HS6ST2: variants seen among roughly 807,000 people sequenced by gnomAD.
The protein encoded by HS6ST2 is heparan-sulfate 6-O-sulfotransferase 2.
Under a neutral mutation model 33.0 loss-of-function variants are expected in HS6ST2, and 17 were observed. The observed-to-expected ratio is 0.52, with a 90% CI of 0.35 to 0.77. HS6ST2 has a LOEUF of 0.77. HS6ST2 is among the 30% of genes least tolerant of loss of function. The pLI, the probability that HS6ST2 is intolerant of heterozygous loss-of-function variation, is 0.01. For synonymous variants in HS6ST2, 248 were observed against 237.1 expected (o/e 1.05, Z -0.42); for missense variants, 519 against 551.7 (o/e 0.94, Z 0.59).
At chrX:132,926,280 G>T (rs2066709530) in intron 2 of HS6ST2, among the ~76,000 whole-genome samples, 1 of 112,537 alleles carries the variant, frequency 8.9e-6, no homozygotes, top group African/African-American at 3.2e-5. Flanking sequence ...AGGTACAGTT[G>T]TTCTCCACTG....
At chrX:132,939,040 G>A (rs2066857843) in intron 2 of HS6ST2, among the ~76,000 whole-genome samples, 1 of 111,283 alleles carries the variant, frequency 9.0e-6, no homozygotes, top group Admixed American at 9.6e-5. Flanking sequence ...GCAAGAGAGG[G>A]AGCAAGAGAG....
intron 2 of HS6ST2, among the ~76,000 whole-genome samples, chrX:132,841,565 T>C (rs747656345): frequency 4.5e-5 from 5 of 111,620 alleles, no homozygotes; most frequent in African/African-American, 1.3e-4. Flanking sequence ...CCAATAGAAT[T>C]AAGAGCAAAC....
chrX:132,676,032 C>T (rs2063921743), intron 3 of HS6ST2, among the ~76,000 whole-genome samples: 1 of 111,476 alleles, frequency 9.0e-6, no homozygotes, highest in Non-Finnish European at 1.9e-5. Flanking sequence ...TTTTGAGGGA[C>T]CTGTGGCCAT....
intron 2 of HS6ST2, among the ~76,000 whole-genome samples, chrX:132,750,497 C>A (rs1464747597): frequency 1.8e-5 from 2 of 111,536 alleles, no homozygotes; most frequent in South Asian, 3.8e-4. Context: ...AATATGTGGG[C>A]TGTACAGTAG....
intron 4 of HS6ST2, chrX:132,667,852 A>G (rs940435890): frequency 8.9e-6 from 1 of 112,508 alleles, no homozygotes; most frequent in African/African-American, 3.2e-5. Flanking sequence ...TAATTTGAAA[A>G]CATTCAGCTG....
intron 4 of HS6ST2, among the ~76,000 whole-genome samples, chrX:132,649,726 C>T (rs921353391): frequency 3.1e-4 from 34 of 110,844 alleles, no homozygotes; most frequent in African/African-American, 1.1e-3. Flanking sequence ...GGCGCAGTGG[C>T]GGCCACCTGT....
intron 3 of HS6ST2, among the ~76,000 whole-genome samples, chrX:132,693,127 T>C (rs1340666320): frequency 8.9e-6 from 1 of 112,174 alleles, no homozygotes; most frequent in Admixed American, 9.4e-5. Flanking sequence ...AAATGTCTCA[T>C]ATGACGAATA....
At position 132,627,855 on chromosome X, in the gene HS6ST2, A is replaced by G. The variant is rs2063489850; in HGVS notation, c.*368T>C. 1 of 127,965 alleles carries G rather than the reference A, an allele frequency of 7.8e-6. No homozygotes were observed. The highest frequency in any genetic ancestry group is 3.2e-5 in the African/African-American group (1 of 31,474). The allele number at this position is 127,965 out of a possible 1,213,427, so 10.5% of individuals were successfully genotyped here. A position where few individuals can be genotyped will look rare whatever the true frequency, so the allele number is the denominator to read the frequency against. On this transcript the variant is annotated 3_prime_UTR_variant, in exon 5 of 5. Transcript: ENST00000370833. ...ATTGGGTTTTAACAGTGTATCATGA[A>G]TAATTTAAAGTCCATTTCTTAGCCA...
At position 132,626,187 on chromosome X, in the gene HS6ST2, A is replaced by G. The variant is rs764186997; in HGVS notation, c.*2036T>C. On this transcript the variant is annotated 3_prime_UTR_variant, in exon 5 of 5. Coordinates refer to ENST00000370833, the MANE Select transcript of HS6ST2 (RefSeq NM_001394073.1). ...TCTATATACAATAATCAGTATAGAC[A>G]GAGAAAATGCACTTAATCTTTGCAA... 8 of 112,681 alleles carry G rather than the reference A, an allele frequency of 7.1e-5. No homozygotes were observed. The highest frequency in any genetic ancestry group is 1.9e-4 in the Admixed American group (2 of 10,603). The allele number at this position is 112,681 out of a possible 1,213,427, so 9.3% of individuals were successfully genotyped here. A position where few individuals can be genotyped will look rare whatever the true frequency, so the allele number is the denominator to read the frequency against.
chrX:132,783,041 T>C (rs1211234966), intron 2 of HS6ST2, among the ~76,000 whole-genome samples: 3 of 111,420 alleles, frequency 2.7e-5, no homozygotes, highest in Non-Finnish European at 5.7e-5. Flanking sequence ...TCATGAGAGG[T>C]GAAGTAAAAG....
intron 2 of HS6ST2, among the ~76,000 whole-genome samples, chrX:132,738,042 T>G (rs1180030476): frequency 8.9e-6 from 1 of 112,662 alleles, no homozygotes; most frequent in Admixed American, 9.3e-5. Flanking sequence ...TCTGACCTAG[T>G]CCTGACCTGA....
In HS6ST2 at chrX:132,956,828, G is replaced by T. The variant is rs778676247; in HGVS notation, c.927C>A (p.Asp309Glu). 9.4e-6 allele frequency: 11 copies of T among 1,174,138 alleles called. No individual in the cohort carries two copies. Among genetic ancestry groups the T allele is most frequent in the Non-Finnish European group, 1.3e-5 (11 of 877,022 alleles). ...CVPSVVDGKR[D>E]ARLRPSRWRI... is the part of the protein sequence containing the mutation. ...CTCACCTGGACGGTCTCAGCCTGGCGTCGCGCTTGCCGTCCACCACGGAGG... is the reference window on the plus strand; with the variant it reads ...CTCACCTGGACGGTCTCAGCCTGGCTTCGCGCTTGCCGTCCACCACGGAGG... The change falls in exon 2 of 5, where the codon GAC (aspartate) becomes GAA (glutamate). Residue 309 changes from aspartate to glutamate, a missense_variant. Physicochemically the swap from Asp to Glu is conservative, Grantham distance 45. Transcript: ENST00000370833.
chrX:132,660,996 G>A (rs2063767648), intron 4 of HS6ST2, among the ~76,000 whole-genome samples: 1 of 111,552 alleles, frequency 9.0e-6, no homozygotes, highest in South Asian at 3.8e-4. Context: ...AGAGGTAAGA[G>A]CCCCTTATAA....
chrX:132,705,435 A>G (rs1366307314), intron 3 of HS6ST2, among the ~76,000 whole-genome samples: 4 of 111,305 alleles, frequency 3.6e-5, no homozygotes, highest in Non-Finnish European at 7.5e-5. Context: ...AAATCTTATG[A>G]ACTTGTGTGC....
chrX:132,649,746 T>C (rs1477572862), intron 4 of HS6ST2, among the ~76,000 whole-genome samples: 1 of 110,285 alleles, frequency 9.1e-6, no homozygotes. Flanking sequence ...TAATCCCAGC[T>C]ACTTGGGAGG....
chrX:132,628,663 T>G lies in HS6ST2; in HGVS notation c.1498A>C (p.Asn500His). ...MNFISPFTQY[N>H]TTRASSVEIN... ...TCTACACTAGAGGCCCTAGTGGTAT[T>G]ATACTGGGTAAATGGCGAAATAAAG... Residue 500 changes from asparagine to histidine, a missense_variant, in exon 5 of 5, where the codon AAT (asparagine) becomes CAT (histidine). Asn to His is a moderately conservative substitution (Grantham distance 68, BLOSUM62 1). Coordinates refer to ENST00000370833, the MANE Select transcript of HS6ST2 (RefSeq NM_001394073.1). 1.7e-6 allele frequency: 2 copies of G among 1,211,333 alleles called. No individual in the cohort carries two copies. The highest frequency in any genetic ancestry group is 2.2e-6 in the Non-Finnish European group (2 of 895,028).
chrX:132,927,374 A>G (rs986594381), intron 2 of HS6ST2, among the ~76,000 whole-genome samples: 2 of 111,073 alleles, frequency 1.8e-5, no homozygotes. Context: ...AAAAACACAA[A>G]TCAAATTAAA....
At chrX:132,883,335 C>T (rs2066204799) in intron 2 of HS6ST2, among the ~76,000 whole-genome samples, 2 of 111,319 alleles carry the variant, frequency 1.8e-5, no homozygotes, top group South Asian at 7.7e-4. Flanking sequence ...AGGGATTCAA[C>T]TTCTTCCTGG....
intron 3 of HS6ST2, among the ~76,000 whole-genome samples, chrX:132,687,756 G>GTT (rs551914681): frequency 9.7e-6 from 1 of 102,761 alleles, no homozygotes; most frequent in South Asian, 4.3e-4. Flanking sequence ...GTCAACATTT[G>GTT]TTTTTTTTTT....
Sources: gnomAD v4.1 joint callset for allele counts (sites outside exome capture counted in the v4.1 genomes callset) on GRCh38, gnomAD v4.1.1 for gene constraint, MANE v1.5 for transcripts, NCBI Gene and HGNC (gene_info 2026-07-23, HGNC 2026-07-21) for gene names.